Variants in LPCAT3 observed in about 807,000 individuals in gnomAD.
The protein encoded by LPCAT3 is lysophospholipid acyltransferase 5.
In LPCAT3, 21 loss-of-function variants were observed where a neutral mutation model predicts 63.4. The observed-to-expected ratio is 0.33, with a 90% CI of 0.23 to 0.48. The LOEUF is 0.48. LPCAT3 is among the 20% of genes least tolerant of loss of function. The probability of loss-of-function intolerance (pLI) is 0.99; values close to 1 mark genes in which losing one functional copy is unlikely to be tolerated. For missense variants in LPCAT3, 451 were observed against 590.6 expected (o/e 0.76, Z 2.45); for synonymous variants, 242 against 227.5 (o/e 1.06, Z -0.58).
rs1309714362 is a variant in LPCAT3, at chr12:7,017,459, T to A, written c.151+815A>T. 6.6e-6 allele frequency among the ~76,000 whole-genome samples: 1 copy of A among 152,170 alleles called. No homozygotes were observed. The highest frequency in any genetic ancestry group is 1.5e-5 in the Non-Finnish European group (1 of 68,032). On this transcript the variant is annotated intron_variant, in intron 1 of 12. Coordinates refer to ENST00000261407, the MANE Select transcript of LPCAT3 (RefSeq NM_005768.6). This position sits in a 1 kb window ranked among gnomAD's most constrained non-coding sequence, Gnocchi z 4.1. The stretch of plus-strand genomic sequence containing the variant: ...AAGGCTGGATCTGATTTGTTTGCCT[T>A]CAAAACCCATACTTTTTTCCATTGT...
Position 6,977,724 on chromosome 12 carries a change from C to G in LPCAT3, c.1062G>C (p.Lys354Asn), listed in dbSNP as rs1946424034. 6.2e-7 allele frequency: 1 copy of G among 1,614,018 alleles called. No homozygotes were observed. Among genetic ancestry groups the G allele is most frequent in the Non-Finnish European group, 8.5e-7 (1 of 1,180,042 alleles). Residue 354 changes from lysine to asparagine, a missense_variant, in exon 10 of 13, where the codon AAG (lysine) becomes AAC (asparagine). Transcript: ENST00000261407. The surrounding 1 kb of genome is among the most constrained non-coding windows in gnomAD (Gnocchi z 4.5). The stretch of plus-strand genomic sequence containing the variant: ...GAGAGAGTTCTTTATTTCCAAGGAA[C>G]TTGAGTCGTTTGAAGATGTAGCTGG... ...WVARYIFKRL[K>N]FLGNKELSQG...
At chr12:7,004,557 A>G (rs1383873813) in intron 1 of LPCAT3, among the ~76,000 whole-genome samples, 2 of 152,156 alleles carry the variant, frequency 1.3e-5, no homozygotes, top group Non-Finnish European at 2.9e-5. Context: ...CTACTCTGCT[A>G]TATTACCCTC....
chr12:6,983,707 C>CA (rs1347958479), intron 1 of LPCAT3, among the ~76,000 whole-genome samples, 168 bp from the exon 2 acceptor site: 1 of 151,898 alleles, frequency 6.6e-6, no homozygotes, highest in Non-Finnish European at 1.5e-5. Context: ...CCCCAAGAAC[C>CA]AAAAGTTTTT....
At chr12:6,989,382 T>A (rs1383777139) in intron 1 of LPCAT3, among the ~76,000 whole-genome samples, 1 of 148,462 alleles carries the variant, frequency 6.7e-6, no homozygotes, top group Non-Finnish European at 1.5e-5. Context: ...CAATCTCGGC[T>A]CACTGCAAGC....
At chr12:7,014,790 AG>A (rs1946786735) in intron 1 of LPCAT3, among the ~76,000 whole-genome samples, 1 of 150,498 alleles carries the variant, frequency 6.6e-6, no homozygotes, top group Non-Finnish European at 1.5e-5. Context: ...GCTACTCAGG[AG>A]GCTGAGGAGG....
At chr12:7,010,234 T>A (rs782750598) in intron 1 of LPCAT3, among the ~76,000 whole-genome samples, 36 of 151,970 alleles carry the variant, frequency 2.4e-4, no homozygotes, top group South Asian at 6.2e-4. Context: ...TTTCTCAAAA[T>A]TTTTTTTTCT....
At chr12:7,013,638 T>C (rs58845597) in intron 1 of LPCAT3, among the ~76,000 whole-genome samples, 26,724 of 152,002 alleles carry the variant, frequency 0.18, 4,069 homozygotes, top group African/African-American at 0.41. Flanking sequence ...TGTAGATGAC[T>C]GTGTCTACAG....
At position 7,000,587 on chromosome 12, in the gene LPCAT3, C is replaced by CAAAA. The variant is rs1238673937; in HGVS notation, c.152-17052_152-17049dup. Among the ~76,000 whole-genome samples the CAAAA allele has an allele frequency of 2.2e-4, 10 of 45,426 alleles. No individual in the cohort carries two copies. In the South Asian group the frequency reaches 5.3e-3, roughly 24 times the overall value. The allele number at this position is 45,426 out of a possible 152,430, so 29.8% of individuals were successfully genotyped here. ...TGGGAGACAGAGTGAGACTCAGTCT[C>CAAAA]AAAAAAAAAAAAAAAAAAAGCGAAA... On this transcript the variant is annotated intron_variant, in intron 1 of 12. Transcript: ENST00000261407.
chr12:6,997,743 C>A (rs1946650713), intron 1 of LPCAT3, among the ~76,000 whole-genome samples: 1 of 152,014 alleles, frequency 6.6e-6, no homozygotes, highest in Non-Finnish European at 1.5e-5. Flanking sequence ...GGCGCCACCA[C>A]ACGGGGCTAA....
chr12:6,978,650 A>C lies in LPCAT3; in HGVS notation c.826T>G (p.Trp276Gly), dbSNP rs781994292. ...FWFRCMYMLIWGKFVLYKYVT... is the reference protein window; with the variant it reads ...FWFRCMYMLIGGKFVLYKYVT... ...TATTTGTACAGCACAAACTTGCCCC[A>C]GATCAGCATGTACATGCAGCGGAAC... The change falls in exon 8 of 13, where the codon TGG becomes GGG. Residue 276 changes from tryptophan to glycine, a missense_variant. By Grantham distance (184) the Trp-to-Gly change is radical (BLOSUM62 -2). Around this residue, in one of 3 missense-constraint regions of LPCAT3, gnomAD observed 304 missense variants for 390.8 expected, o/e 0.78. Coordinates refer to ENST00000261407, the MANE Select transcript of LPCAT3 (RefSeq NM_005768.6). The C allele has an allele frequency of 3.1e-6, 5 of 1,614,120 alleles. No homozygotes were observed. The African/African-American group carries it at 6.7e-5, about 22-fold the overall frequency.
chr12:7,003,947 A>AAG, intron 1 of LPCAT3, among the ~76,000 whole-genome samples: 1 of 151,910 alleles, frequency 6.6e-6, no homozygotes, highest in East Asian at 1.9e-4. Context: ...AAAAAAAAAA[A>AAG]AAAGAATTAC....
chr12:7,000,212 G>C (rs1438314033), intron 1 of LPCAT3, among the ~76,000 whole-genome samples: 1 of 151,344 alleles, frequency 6.6e-6, no homozygotes, highest in Non-Finnish European at 1.5e-5. Context: ...GAGCCACCGC[G>C]CCTGGCCTAC....
chr12:6,991,394 A>G (rs908735550), intron 1 of LPCAT3, among the ~76,000 whole-genome samples: 3 of 152,260 alleles, frequency 2.0e-5, no homozygotes, highest in Admixed American at 6.5e-5. Context: ...TTTACCATGC[A>G]TGACTTTGTA....
At chr12:7,000,230 C>T (rs1419843066) in intron 1 of LPCAT3, among the ~76,000 whole-genome samples, 2 of 151,160 alleles carry the variant, frequency 1.3e-5, no homozygotes, top group African/African-American at 4.8e-5. Flanking sequence ...TACTTACATT[C>T]GTTAAACCTC....
At chr12:6,983,671 G>A in intron 1 of LPCAT3, 132 bp from the exon 2 acceptor site, 1 of 625,178 alleles carries the variant, frequency 1.6e-6, no homozygotes, top group Non-Finnish European at 2.8e-6. Flanking sequence ...TTATATGGAT[G>A]GCAACAGAGA....
Position 7,018,141 on chromosome 12 carries a change from G to A in LPCAT3, c.151+133C>T. On this transcript the variant is annotated intron_variant, in intron 1 of 12. Coordinates refer to ENST00000261407, the MANE Select transcript of LPCAT3 (RefSeq NM_005768.6). The surrounding 1 kb of genome is among the most constrained non-coding windows in gnomAD (Gnocchi z 4.9). The stretch of plus-strand genomic sequence containing the variant: ...GTCTTCCCTCAGTAGCTGTTGGTGT[G>A]CTTCAGGATTCACACCCGCACCCGG... The A allele has an allele frequency of 1.0e-6, 1 of 975,640 alleles. No individual in the cohort carries two copies. Among genetic ancestry groups the A allele is most frequent in the Non-Finnish European group, 1.5e-6 (1 of 647,910 alleles). The allele number at this position is 975,640 out of a possible 1,614,324, so 60.4% of individuals were successfully genotyped here. A position where few individuals can be genotyped will look rare whatever the true frequency, so the allele number is the denominator to read the frequency against.
At chr12:6,996,207 C>T (rs1946634799) in intron 1 of LPCAT3, among the ~76,000 whole-genome samples, 1 of 152,230 alleles carries the variant, frequency 6.6e-6, no homozygotes, top group African/African-American at 2.4e-5. Flanking sequence ...TAAGCAGGTC[C>T]AGCCTTGGTG....
chr12:7,006,052 C>T (rs1244530169), intron 1 of LPCAT3, among the ~76,000 whole-genome samples: 1 of 151,936 alleles, frequency 6.6e-6, no homozygotes, highest in Non-Finnish European at 1.5e-5. Context: ...TGATATAAAA[C>T]AAGAGGGCCA....
intron 3 of LPCAT3, 92 bp downstream of exon 3, chr12:6,982,584 T>A (rs782661469): frequency 1.1e-6 from 1 of 898,256 alleles, no homozygotes; most frequent in South Asian, 1.4e-5. Flanking sequence ...AGAAATTAGG[T>A]CTGCTAATTT....
Sources: gnomAD v4.1 joint callset for allele counts (sites outside exome capture counted in the v4.1 genomes callset) on GRCh38, gnomAD v4.1.1 for gene constraint, gnomAD v4.1.1 regional missense constraint, Gnocchi (gnomAD v3.1) non-coding constraint, MANE v1.5 for transcripts, NCBI Gene and HGNC (gene_info 2026-07-23, HGNC 2026-07-21) for gene names.